Variants in RBM26 observed in about 807,000 individuals in gnomAD.
RBM26 encodes the protein RNA-binding protein 26.
Under a neutral mutation model 123.6 loss-of-function variants are expected in RBM26, and 30 were observed. The observed-to-expected ratio is 0.24, with a 90% CI of 0.18 to 0.33. RBM26 has a LOEUF of 0.33. RBM26 is among the 10% of genes least tolerant of loss of function. RBM26 has a pLI of 1.00. For synonymous variants in RBM26, 400 were observed against 404.4 expected, an observed-to-expected ratio of 0.99 and a Z score of 0.13; for missense variants, 947 against 1,203.6, an observed-to-expected ratio of 0.79 and a Z score of 3.15.
At chr13:79,366,445 A>G (rs1454440867) in intron 7 of RBM26, among the ~76,000 whole-genome samples, 188 bp downstream of exon 7, 1 of 152,172 alleles carries the variant, frequency 6.6e-6, no homozygotes, top group Non-Finnish European at 1.5e-5. Flanking sequence ...GGTCACTCCA[A>G]ACCATAGTAA....
chr13:79,334,895 G>A (rs1209918273), intron 19 of RBM26, among the ~76,000 whole-genome samples: 1 of 152,084 alleles, frequency 6.6e-6, no homozygotes, highest in African/African-American at 2.4e-5. Flanking sequence ...TTAATTAATG[G>A]GAAGAGATTC....
At chr13:79,347,970 C>G (rs1019375265) in intron 14 of RBM26, among the ~76,000 whole-genome samples, 1 of 152,008 alleles carries the variant, frequency 6.6e-6, no homozygotes, top group Non-Finnish European at 1.5e-5. Flanking sequence ...TCCTCCTTTG[C>G]AGAGTGTTTA....
intron 3 of RBM26, among the ~76,000 whole-genome samples, chr13:79,373,506 C>T (rs1367291809): frequency 3.4e-3 from 65 of 19,240 alleles, no homozygotes; most frequent in Non-Finnish European, 4.9e-3. Flanking sequence ...TATAAATATA[C>T]TTATTTATAT....
At chr13:79,355,078 C>G in intron 12 of RBM26, 142 bp downstream of exon 12, 1 of 703,754 alleles carries the variant, frequency 1.4e-6, no homozygotes, top group Non-Finnish European at 2.4e-6. Flanking sequence ...GTAAATTTTT[C>G]AAGTCTTTAC....
intron 3 of RBM26, among the ~76,000 whole-genome samples, chr13:79,373,726 ATAATATATAATATTTTAT>A (rs1566511353): frequency 7.3e-5 from 4 of 54,968 alleles, no homozygotes; most frequent in African/African-American, 1.7e-4. Context: ...ACTATATATA[ATAATATATAATATTTTAT>A]ATATATATAT....
Position 79,366,642 on chromosome 13 carries a change from G to C in RBM26, c.1126C>G (p.Pro376Ala), listed in dbSNP as rs761663897. 1.3e-6 allele frequency: 2 copies of C among 1,562,992 alleles called. No individual in the cohort carries two copies. Among genetic ancestry groups the C allele is most frequent in the Non-Finnish European group, 8.7e-7 (1 of 1,152,690 alleles). Reference protein sequence around the residue: ...PPGPLPPSLPPVTGPPPPLPP... With the variant: ...PPGPLPPSLPAVTGPPPPLPP... Reference sequence around the variant, plus strand: ...AAACAGATTTACTTACCTGTAACAGGTGGGAGACTGGGTGGCAATGGACCT... The same window carrying C: ...AAACAGATTTACTTACCTGTAACAGCTGGGAGACTGGGTGGCAATGGACCT... The change falls in exon 7 of 22, where the codon CCT (proline) becomes GCT (alanine). Residue 376 changes from proline to alanine, a missense_variant. Pro to Ala is a conservative substitution (Grantham distance 27). Coordinates refer to ENST00000438737, the MANE Select transcript of RBM26 (RefSeq NM_001366735.2).
At chr13:79,370,904 T>C (rs767953173) in intron 5 of RBM26, 41 bp downstream of exon 5, 3 of 1,567,032 alleles carry the variant, frequency 1.9e-6, no homozygotes, top group South Asian at 2.3e-5. Flanking sequence ...CATTTAAACA[T>C]GGAGTTTTTC....
intron 19 of RBM26, among the ~76,000 whole-genome samples, chr13:79,335,391 G>A (rs2070179687): frequency 6.6e-6 from 1 of 152,018 alleles, no homozygotes. Flanking sequence ...GGCACTCAGA[G>A]GGCATACCTG....
chr13:79,375,081 T>TATATAAATATATATTTATATATA (rs1555332797), intron 3 of RBM26, among the ~76,000 whole-genome samples: 15 of 104,364 alleles, frequency 1.4e-4, no homozygotes, highest in African/African-American at 4.0e-4. Flanking sequence ...TTATATGATA[T>TATATAAATATATATTTATATATA]ATATAAATAT....
At chr13:79,375,125 A>ATATATATCATATAAATATATATTT (rs2076564888) in intron 3 of RBM26, among the ~76,000 whole-genome samples, 3 of 144,690 alleles carry the variant, frequency 2.1e-5, no homozygotes, top group Non-Finnish European at 4.5e-5. Context: ...ATATATTTAT[A>ATATATATCATATAAATATATATTT]TTTTAAAAAT....
At position 79,368,920 on chromosome 13, in the gene RBM26, G is replaced by A. The variant is rs1293460591; in HGVS notation, c.705C>T (p.Val235=). The A allele has an allele frequency of 6.2e-7, 1 of 1,610,370 alleles. No homozygotes were observed. Among genetic ancestry groups the A allele is most frequent in the Admixed American group, 1.7e-5 (1 of 60,000 alleles). The change falls in exon 6 of 22, where the codon GTC becomes GTT. Residue 235 remains valine, a synonymous_variant. Coordinates refer to ENST00000438737, the MANE Select transcript of RBM26 (RefSeq NM_001366735.2). ...TDPLENNYTP[V]SSVPSISSGH... is the part of the protein sequence containing the mutation. ...CAGATGAAATACTAGGTACCGAAGA[G>A]ACTGGAGTATAATTATTTTCTAATG...
At chr13:79,375,968 C>T (rs2076637303) in intron 3 of RBM26, among the ~76,000 whole-genome samples, 1 of 151,820 alleles carries the variant, frequency 6.6e-6, no homozygotes, top group Non-Finnish European at 1.5e-5. Context: ...GTATATAAAG[C>T]ACTTGATTGG....
At chr13:79,322,519 TA>T in intron 20 of RBM26, 57 bp from the exon 21 acceptor site, 1 of 1,151,172 alleles carries the variant, frequency 8.7e-7, no homozygotes, top group Admixed American at 2.8e-5. Flanking sequence ...AAGAAAAAAA[TA>T]AATGTCATAG....
chr13:79,332,355 T>A (rs1414704414), intron 20 of RBM26, among the ~76,000 whole-genome samples: 1 of 152,200 alleles, frequency 6.6e-6, no homozygotes, highest in Non-Finnish European at 1.5e-5. Flanking sequence ...AGTTGATACC[T>A]CTATGACAAA....
intron 9 of RBM26, among the ~76,000 whole-genome samples, chr13:79,362,733 C>T (rs1448523299): frequency 2.0e-5 from 3 of 152,082 alleles, no homozygotes; most frequent in South Asian, 2.1e-4. Flanking sequence ...TAATATGTTC[C>T]GTACCTGAAG....
intron 14 of RBM26, among the ~76,000 whole-genome samples, chr13:79,348,354 T>A (rs1168470804): frequency 3.9e-5 from 6 of 152,108 alleles, no homozygotes; most frequent in African/African-American, 1.2e-4. Context: ...TTACAATCCA[T>A]TAACACCTCC....
intron 12 of RBM26, among the ~76,000 whole-genome samples, chr13:79,354,861 G>A (rs1358029609): frequency 6.6e-6 from 1 of 152,182 alleles, no homozygotes; most frequent in African/African-American, 2.4e-5. Flanking sequence ...ACACACCGAT[G>A]GGGGTTGGGA....
intron 20 of RBM26, among the ~76,000 whole-genome samples, chr13:79,323,052 G>C (rs1203826746): frequency 6.7e-6 from 1 of 150,350 alleles, no homozygotes; most frequent in Non-Finnish European, 1.5e-5. Flanking sequence ...TCAATGAAAG[G>C]AAAAAAAACC....
chr13:79,369,083 G>T, intron 5 of RBM26, 93 bp from the exon 6 acceptor site: 1 of 784,042 alleles, frequency 1.3e-6, no homozygotes, highest in South Asian at 3.8e-5. Context: ...TATAAACATA[G>T]AAAAAAAATT....
Sources: gnomAD v4.1 joint callset for allele counts (sites outside exome capture counted in the v4.1 genomes callset) on GRCh38, gnomAD v4.1.1 for gene constraint, MANE v1.5 for transcripts, NCBI Gene and HGNC (gene_info 2026-07-23, HGNC 2026-07-21) for gene names.